RPRD2: variants seen among roughly 807,000 people sequenced by gnomAD.
RPRD2 encodes the protein regulation of nuclear pre-mRNA domain containing 2.
RPRD2 carries 12 observed loss-of-function variants against 104.4 expected under a neutral mutation model. That is an observed-to-expected ratio of 0.11 (90% CI 0.07 to 0.19). The LOEUF (loss-of-function observed/expected upper bound fraction) is 0.19, where lower values mean the gene tolerates loss of function less well. RPRD2 is among the 10% of genes least tolerant of loss of function. The probability of loss-of-function intolerance (pLI) is 1.00; values close to 1 mark genes in which losing one functional copy is unlikely to be tolerated. For missense variants in RPRD2, 1,543 were observed against 1,790.1 expected (o/e 0.86, Z 2.49); for synonymous variants, 714 against 684.9 (o/e 1.04, Z -0.66).
At chr1:150,388,972 A>G (rs192077833) in intron 1 of RPRD2, among the ~76,000 whole-genome samples, 3 of 152,192 alleles carry the variant, frequency 2.0e-5, no homozygotes, top group Admixed American at 6.5e-5. Context: ...TGTTTTCTCC[A>G]TAACTCCACA....
intron 2 of RPRD2, among the ~76,000 whole-genome samples, chr1:150,433,711 T>C (rs1553892471): frequency 1.7e-5 from 2 of 120,810 alleles, no homozygotes; most frequent in Non-Finnish European, 3.8e-5. Flanking sequence ...CCCAAAGTGC[T>C]GGGATTACCA....
chr1:150,402,765 G>A lies in RPRD2; in HGVS notation c.206-14831G>A, dbSNP rs371334939. The stretch of plus-strand genomic sequence containing the variant: ...GCAGATCACCTGAGGTCGGGAGTTC[G>A]ATACCAGCCTGACCAACATGGAGAA... On this transcript the variant is annotated intron_variant, in intron 1 of 10. Transcript: ENST00000369068. Among the ~76,000 whole-genome samples the A allele has an allele frequency of 2.8e-4, 43 of 152,202 alleles. No homozygotes were observed. In the South Asian group the frequency reaches 8.3e-3, roughly 29 times the overall value.
chr1:150,381,137 A>C (rs1334753228), intron 1 of RPRD2, among the ~76,000 whole-genome samples: 1 of 152,100 alleles, frequency 6.6e-6, no homozygotes, highest in Non-Finnish European at 1.5e-5. Context: ...AAAGTGCTGT[A>C]ATTGTCAGGG....
intron 6 of RPRD2, 131 bp downstream of exon 6, chr1:150,444,508 G>T: frequency 1.2e-6 from 1 of 803,312 alleles, no homozygotes. Context: ...TGGTTTCCCA[G>T]GTAGTTATTT....
At position 150,472,632 on chromosome 1, in the gene RPRD2, T is replaced by C. The variant is rs1484146318; in HGVS notation, c.3684T>C (p.Ser1228=). 6.2e-7 allele frequency: 1 copy of C among 1,613,838 alleles called. No homozygotes were observed. Among genetic ancestry groups the C allele is most frequent in the Admixed American group, 1.7e-5 (1 of 60,016 alleles). ...VPPKDHGGIF[S]RDAPTHLPSV... ...CTAAGGATCATGGTGGTATCTTCTC[T>C]CGAGATGCACCCACTCATCTACCCT... Residue 1228 remains serine (S), a synonymous_variant, in exon 11 of 11, where the codon TCT becomes TCC. Coordinates refer to ENST00000369068, the MANE Select transcript of RPRD2 (RefSeq NM_015203.5).
At chr1:150,417,101 A>T (rs1664401751) in intron 1 of RPRD2, among the ~76,000 whole-genome samples, 1 of 152,084 alleles carries the variant, frequency 6.6e-6, no homozygotes, top group African/African-American at 2.4e-5. Context: ...TCACATTCTG[A>T]TTTGATTACA....
intron 1 of RPRD2, among the ~76,000 whole-genome samples, chr1:150,377,049 A>G (rs1660752031): frequency 2.7e-5 from 4 of 150,870 alleles, no homozygotes; most frequent in African/African-American, 9.7e-5. Flanking sequence ...TGTCTCTACT[A>G]AAAATACAAA....
At chr1:150,458,212 T>C (rs1972031) in intron 8 of RPRD2, among the ~76,000 whole-genome samples, 45,191 of 152,108 alleles carry the variant, frequency 0.3, 8,191 homozygotes, top group Non-Finnish European at 0.4. Context: ...CTCAGCACTT[T>C]GTGAGGCTGA....
chr1:150,429,088 A>G (rs1161122062), intron 2 of RPRD2, among the ~76,000 whole-genome samples: 2 of 149,268 alleles, frequency 1.3e-5, no homozygotes, highest in Non-Finnish European at 3.0e-5. Context: ...CATTGTGGTC[A>G]GTAGTGGCTT....
Position 150,446,409 on chromosome 1 carries a change from ATAAT to A in RPRD2, c.870+12_870+15del, listed in dbSNP as rs1666774252. On this transcript the variant is annotated intron_variant, in intron 7 of 10. Coordinates refer to ENST00000369068, the MANE Select transcript of RPRD2 (RefSeq NM_015203.5). Reference sequence around the variant, plus strand: ...GTAAAAGTGGTGGCTAATGTAAGTAATAATTAAAGCTGTCTTATACTGAATGCTT... The same window carrying A: ...GTAAAAGTGGTGGCTAATGTAAGTAATAAAGCTGTCTTATACTGAATGCTT... 6.3e-7 allele frequency: 1 copy of A among 1,580,488 alleles called. No homozygotes were observed. The highest frequency in any genetic ancestry group is 1.4e-5 in the African/African-American group (1 of 73,204).
Position 150,470,545 on chromosome 1 carries a change from A to C in RPRD2, c.1613-16A>C, listed in dbSNP as rs764664052. On this transcript the variant is annotated splice_polypyrimidine_tract_variant and intron_variant, in intron 10 of 10. Transcript: ENST00000369068. ...GGAGTTGTTCTTTTTAACCCCTCTA[A>C]TCTTTGTTTCTACAGGCCTGTCATC... 22 of 1,607,340 alleles carry C rather than the reference A, an allele frequency of 1.4e-5. No individual in the cohort carries two copies. Among genetic ancestry groups the C allele is most frequent in the Non-Finnish European group, 1.9e-5 (22 of 1,176,632 alleles).
intron 4 of RPRD2, 98 bp downstream of exon 4, chr1:150,442,056 G>A: frequency 1.1e-6 from 1 of 913,906 alleles, no homozygotes; most frequent in Non-Finnish European, 1.7e-6. Flanking sequence ...TAAACCATGG[G>A]CAAGCCTGTT....
chr1:150,417,929 T>C (rs1434243080), intron 2 of RPRD2, among the ~76,000 whole-genome samples: 1 of 151,878 alleles, frequency 6.6e-6, no homozygotes, highest in African/African-American at 2.4e-5. Flanking sequence ...TCTCTTTCTT[T>C]CTTTCTTCCT....
At chr1:150,399,703 G>A (rs2102213152) in intron 1 of RPRD2, among the ~76,000 whole-genome samples, 1 of 151,330 alleles carries the variant, frequency 6.6e-6, no homozygotes, top group African/African-American at 2.4e-5. Context: ...GTTGCGGTGA[G>A]CAGAGATCAC....
At chr1:150,408,909 T>C (rs1663697264) in intron 1 of RPRD2, 1 of 152,160 alleles carries the variant, frequency 6.6e-6, no homozygotes, top group East Asian at 1.9e-4. Context: ...TTTTCAGGGG[T>C]TACATCTCAG....
At position 150,379,961 on chromosome 1, in the gene RPRD2, A is replaced by G. The variant is rs183977176; in HGVS notation, c.205+15042A>G. On this transcript the variant is annotated intron_variant, in intron 1 of 10. Transcript: ENST00000369068. ...CCAAAATATAGAATGACCTTTGTCA[A>G]TTTTCTGCAATGTAGATATCCATTG... Among the ~76,000 whole-genome samples the G allele has an allele frequency of 5.5e-4, 84 of 152,294 alleles. No homozygotes were observed. In the East Asian group the frequency reaches 0.014, roughly 25 times the overall value.
At position 150,476,411 on chromosome 1, in the gene RPRD2, C is replaced by T. The variant is rs879144259; in HGVS notation, c.*3077C>T. 3.9e-5 allele frequency: 6 copies of T among 152,012 alleles called. No homozygotes were observed. The highest frequency in any genetic ancestry group is 4.8e-5 in the African/African-American group (2 of 41,398). The allele number at this position is 152,012 out of a possible 1,614,324, so 9.4% of individuals were successfully genotyped here. A position where few individuals can be genotyped will look rare whatever the true frequency, so the allele number is the denominator to read the frequency against. ...TCCCCCACTATTTTTTTTAAGTGGG[C>T]GGGGGCGCCTGTTAAGATCTAAAAT... On this transcript the variant is annotated 3_prime_UTR_variant, in exon 11 of 11. Coordinates refer to ENST00000369068, the MANE Select transcript of RPRD2 (RefSeq NM_015203.5).
Position 150,472,950 on chromosome 1 carries a change from G to A in RPRD2, c.4002G>A (p.Gly1334=). ...FPKDHSSLLQ[G]TLAEHFGVLP... ...AGGACCATAGTTCCCTCCTTCAAGG[G>A]ACCCTGGCTGAGCATTTTGGGGTAC... The change falls in exon 11 of 11, where the codon GGG becomes GGA. Residue 1334 remains glycine (G), a synonymous_variant. Coordinates refer to ENST00000369068, the MANE Select transcript of RPRD2 (RefSeq NM_015203.5). The A allele has an allele frequency of 1.2e-6, 2 of 1,613,810 alleles. No individual in the cohort carries two copies. Among genetic ancestry groups the A allele is most frequent in the Non-Finnish European group, 8.5e-7 (1 of 1,179,792 alleles).
chr1:150,423,009 G>C (rs1206199728), intron 2 of RPRD2, among the ~76,000 whole-genome samples: 1 of 152,080 alleles, frequency 6.6e-6, no homozygotes, highest in African/African-American at 2.4e-5. Flanking sequence ...AATTCCATGG[G>C]CTGGAAACCT....
Sources: allele counts gnomAD v4.1 joint callset (sites outside exome capture counted in the v4.1 genomes callset), GRCh38; gene constraint gnomAD v4.1.1; transcripts MANE v1.5; gene names NCBI Gene and HGNC (gene_info 2026-07-23, HGNC 2026-07-21).